Variants in RNF220 observed in about 807,000 individuals in gnomAD.
RNF220 encodes the protein ring finger protein 220, also known as E3 ubiquitin-protein ligase RNF220.
In RNF220, 7 loss-of-function variants were observed where a neutral mutation model predicts 67.1. The observed-to-expected ratio is 0.10, with a 90% CI of 0.06 to 0.20. RNF220 has a LOEUF of 0.20. Ranked by LOEUF, RNF220 falls within the 10% of genes least tolerant of loss-of-function variation. The probability of loss-of-function intolerance (pLI) is 1.00; values close to 1 mark genes in which losing one functional copy is unlikely to be tolerated. For synonymous variants in RNF220, 270 were observed against 283.2 expected, an observed-to-expected ratio of 0.95 and a Z score of 0.47; for missense variants, 565 against 740.3, an observed-to-expected ratio of 0.76 and a Z score of 2.75.
intron 2 of RNF220, among the ~76,000 whole-genome samples, chr1:44,441,283 C>T (rs1387961246): frequency 2.0e-5 from 3 of 151,998 alleles, no homozygotes; most frequent in South Asian, 2.1e-4. Context: ...TTTTTCTGAG[C>T]CAGGAAAGTC....
chr1:44,426,368 C>T (rs931488146), intron 2 of RNF220, among the ~76,000 whole-genome samples: 3 of 152,160 alleles, frequency 2.0e-5, no homozygotes, highest in Admixed American at 6.5e-5. Flanking sequence ...AGGGCCTGCC[C>T]CTTAGGCAAG....
chr1:44,432,419 C>T (rs901007983), intron 2 of RNF220, among the ~76,000 whole-genome samples: 3 of 151,878 alleles, frequency 2.0e-5, no homozygotes, highest in Non-Finnish European at 2.9e-5. Context: ...TACAGGTGCC[C>T]GCCACCATGC....
chr1:44,561,584 G>A (rs1386656667), intron 2 of RNF220, among the ~76,000 whole-genome samples: 1 of 152,144 alleles, frequency 6.6e-6, no homozygotes, highest in East Asian at 1.9e-4. Context: ...ATTCAAACAG[G>A]TCAGCCATGG....
At chr1:44,460,357 C>T (rs1228698537) in intron 2 of RNF220, among the ~76,000 whole-genome samples, 1 of 152,188 alleles carries the variant, frequency 6.6e-6, no homozygotes, top group Non-Finnish European at 1.5e-5. Context: ...AGGGCAGTGA[C>T]ATCCTCTAAC....
At position 44,600,995 on chromosome 1, in the gene RNF220, C is replaced by T. The variant is rs1487131291; in HGVS notation, c.626-13170C>T. Among the ~76,000 whole-genome samples, 1 of 152,146 alleles carries T rather than the reference C, an allele frequency of 6.6e-6. No individual in the cohort carries two copies. Among genetic ancestry groups the T allele is most frequent in the African/African-American group, 2.4e-5 (1 of 41,410 alleles). ...TACAGGCTCCCACAGCACTGTTGAC[C>T]TCTTTTTGGTACAATTGCAATTTTA... On this transcript the variant is annotated intron_variant, in intron 2 of 14. Coordinates refer to ENST00000361799, the MANE Select transcript of RNF220 (RefSeq NM_018150.4). This position sits in a 1 kb window ranked among gnomAD's most constrained non-coding sequence, Gnocchi z 4.0.
intron 2 of RNF220, among the ~76,000 whole-genome samples, chr1:44,503,866 T>C (rs187146255): frequency 2.0e-4 from 31 of 152,126 alleles, no homozygotes; most frequent in African/African-American, 7.5e-4. Context: ...TTTTTGTTTT[T>C]TTTTTAGACA....
intron 2 of RNF220, among the ~76,000 whole-genome samples, chr1:44,498,636 T>C (rs747780713): frequency 1.3e-5 from 2 of 152,126 alleles, no homozygotes; most frequent in Non-Finnish European, 2.9e-5. Context: ...TCTGACCCCA[T>C]GTCTGACCCC....
At chr1:44,546,200 C>T (rs148744067) in intron 2 of RNF220, among the ~76,000 whole-genome samples, 3 of 152,170 alleles carry the variant, frequency 2.0e-5, no homozygotes, top group African/African-American at 7.2e-5. Context: ...GGCGAGCTCA[C>T]TCTCGGTCCT....
Position 44,622,611 on chromosome 1 carries a change from G to A in RNF220, c.759-131G>A. On this transcript the variant is annotated intron_variant, in intron 3 of 14. Transcript: ENST00000361799. This position sits in a 1 kb window ranked among gnomAD's most constrained non-coding sequence, Gnocchi z 4.3. ...GCCACTGGGATTGAAAGGACTGGGT[G>A]GAGCTTGGCTGAGCTGGGCTGGGCT... The A allele has an allele frequency of 1.4e-6, 1 of 735,688 alleles. No individual in the cohort carries two copies. Among genetic ancestry groups the A allele is most frequent in the Non-Finnish European group, 2.4e-6 (1 of 422,152 alleles). 45.6% of individuals were successfully genotyped at this position (735,688 alleles called of 1,614,324 possible).
At chr1:44,556,520 AG>A (rs948817110) in intron 2 of RNF220, among the ~76,000 whole-genome samples, 1 of 149,464 alleles carries the variant, frequency 6.7e-6, no homozygotes, top group Admixed American at 6.6e-5. Context: ...GGACCTATTT[AG>A]GGTATCTCCT....
chr1:44,632,666 A>G (rs1181191828), intron 6 of RNF220: 3 of 552,018 alleles, frequency 5.4e-6, no homozygotes, highest in Non-Finnish European at 9.8e-6. Context: ...GAGCTACACA[A>G]TTCTACTCGG....
chr1:44,500,957 C>CA (rs373898275), intron 2 of RNF220, among the ~76,000 whole-genome samples: 35 of 151,916 alleles, frequency 2.3e-4, no homozygotes, highest in African/African-American at 8.5e-4. Flanking sequence ...TCTGTCCTGT[C>CA]AGAGAGTGGG....
intron 2 of RNF220, among the ~76,000 whole-genome samples, chr1:44,520,414 C>T (rs562789082): frequency 6.6e-6 from 1 of 152,010 alleles, no homozygotes; most frequent in East Asian, 1.9e-4. Context: ...TGCAGTGAGC[C>T]GAGATCGCAC....
chr1:44,450,078 G>A lies in RNF220; in HGVS notation c.625+37356G>A, dbSNP rs935402882. Among the ~76,000 whole-genome samples, 4 of 152,154 alleles carry A rather than the reference G, an allele frequency of 2.6e-5. No individual in the cohort carries two copies. In the South Asian group the frequency reaches 6.2e-4, roughly 24 times the overall value. ...TACAAAATTAGCCAGGCCTGGTGGC[G>A]CATGCCTGTAATCCCAGCTACCCCG... On this transcript the variant is annotated intron_variant, in intron 2 of 14. Transcript: ENST00000361799.
chr1:44,608,592 G>T (rs2148415705), intron 2 of RNF220, among the ~76,000 whole-genome samples: 1 of 152,342 alleles, frequency 6.6e-6, no homozygotes, highest in East Asian at 1.9e-4. Flanking sequence ...GGATTAATGA[G>T]ATAAAGTATG....
intron 2 of RNF220, among the ~76,000 whole-genome samples, chr1:44,518,706 G>A (rs1659658398): frequency 6.6e-6 from 1 of 151,874 alleles, no homozygotes; most frequent in African/African-American, 2.4e-5. Context: ...GAAACCCCAT[G>A]TCTACTAAAA....
At chr1:44,637,349 A>G (rs1573154218) in intron 8 of RNF220, among the ~76,000 whole-genome samples, 3 of 152,238 alleles carry the variant, frequency 2.0e-5, no homozygotes, top group African/African-American at 7.2e-5. Flanking sequence ...CCTGAGCCGG[A>G]GCTGGAGAGT....
chr1:44,618,406 G>A (rs561438537), intron 3 of RNF220, among the ~76,000 whole-genome samples: 1 of 152,332 alleles, frequency 6.6e-6, no homozygotes, highest in African/African-American at 2.4e-5. Flanking sequence ...TACAGGAAGA[G>A]CAATCAGAAC....
intron 2 of RNF220, among the ~76,000 whole-genome samples, chr1:44,534,844 T>A (rs989632778): frequency 1.1e-4 from 17 of 152,226 alleles, no homozygotes; most frequent in Non-Finnish European, 2.2e-4. Flanking sequence ...ATTTGTTATC[T>A]GATACGGACA....
Sources: gnomAD v4.1 joint callset for allele counts (sites outside exome capture counted in the v4.1 genomes callset) on GRCh38, gnomAD v4.1.1 for gene constraint, Gnocchi (gnomAD v3.1) non-coding constraint, MANE v1.5 for transcripts, NCBI Gene and HGNC (gene_info 2026-07-23, HGNC 2026-07-21) for gene names.